Variants in TPX2 observed in about 807,000 individuals in gnomAD.
TPX2 encodes the protein TPX2 microtubule nucleation factor.
Under a neutral mutation model 93.6 loss-of-function variants are expected in TPX2, and 21 were observed. The ratio of observed to expected loss-of-function variants is 0.22; its 90% CI spans 0.16 to 0.32. The LOEUF is 0.32. TPX2 is among the 10% of genes least tolerant of loss of function. The pLI is 1.00. For synonymous variants in TPX2, 281 were observed against 298.3 expected, an observed-to-expected ratio of 0.94 and a Z score of 0.60; for missense variants, 776 against 871.1, an observed-to-expected ratio of 0.89 and a Z score of 1.37.
At chr20:31,800,526 G>A (rs555364766) in intron 17 of TPX2, among the ~76,000 whole-genome samples, 7 of 152,290 alleles carry the variant, frequency 4.6e-5, no homozygotes, top group Admixed American at 4.6e-4. Context: ...TGGTATGGTT[G>A]TTGTGTTTTG....
chr20:31,784,253 G>A (rs989620254), intron 12 of TPX2, among the ~76,000 whole-genome samples: 9 of 152,218 alleles, frequency 5.9e-5, no homozygotes, highest in Non-Finnish European at 1.3e-4. Flanking sequence ...CCTTGACGAT[G>A]TACTGTAGTA....
chr20:31,753,717 G>A (rs966289757), intron 2 of TPX2, among the ~76,000 whole-genome samples: 2 of 152,148 alleles, frequency 1.3e-5, no homozygotes, highest in Admixed American at 1.3e-4. Context: ...CTGTATAAAT[G>A]AAATATTTGT....
intron 12 of TPX2, among the ~76,000 whole-genome samples, chr20:31,788,145 G>T (rs1052852648): frequency 2.0e-5 from 3 of 152,020 alleles, no homozygotes; most frequent in Non-Finnish European, 4.4e-5. Context: ...GGCCAGGCGC[G>T]GTGGCTCACG....
intron 4 of TPX2, among the ~76,000 whole-genome samples, chr20:31,761,965 G>A (rs956373140): frequency 2.0e-5 from 3 of 152,128 alleles, no homozygotes; most frequent in African/African-American, 7.2e-5. Flanking sequence ...GGGATGAAAG[G>A]ATATCTCATT....
chr20:31,769,979 T>A (rs2061954694), intron 5 of TPX2, among the ~76,000 whole-genome samples: 1 of 152,060 alleles, frequency 6.6e-6, no homozygotes, highest in Non-Finnish European at 1.5e-5. Flanking sequence ...TAAAAAATTT[T>A]TTGTAGAGAC....
chr20:31,783,961 T>C, intron 12 of TPX2, 40 bp downstream of exon 12: 1 of 1,601,448 alleles, frequency 6.2e-7, no homozygotes, highest in Non-Finnish European at 8.5e-7. Context: ...AGTGTACTGC[T>C]CATGACCAGA....
chr20:31,792,640 G>A lies in TPX2; in HGVS notation c.1414-95G>A, dbSNP rs1366064754. 4 of 1,220,822 alleles carry A rather than the reference G, an allele frequency of 3.3e-6. No homozygotes were observed. The East Asian group carries it at 9.3e-5, about 29-fold the overall frequency. 75.6% of individuals were successfully genotyped at this position (1,220,822 alleles called of 1,614,324 possible). A position where few individuals can be genotyped will look rare whatever the true frequency, so the allele number is the denominator to read the frequency against. ...CAGCTGGGCAACATAGTGAGACCCT[G>A]TCTCTACCCAAAGGGGAAAAAAGGA... On this transcript the variant is annotated intron_variant, in intron 12 of 17. Transcript: ENST00000300403.
intron 3 of TPX2, among the ~76,000 whole-genome samples, chr20:31,758,637 G>C (rs1454865447): frequency 2.6e-5 from 4 of 152,188 alleles, no homozygotes; most frequent in Non-Finnish European, 5.9e-5. Flanking sequence ...GAACAGAAGT[G>C]AGTCCATTGC....
At chr20:31,799,374 A>G (rs1220461920) in intron 17 of TPX2, among the ~76,000 whole-genome samples, 3 of 152,260 alleles carry the variant, frequency 2.0e-5, no homozygotes, top group Admixed American at 6.5e-5. Flanking sequence ...GATCTATCAT[A>G]TAACAAGGTG....
At chr20:31,800,018 G>A (rs1276664922) in intron 17 of TPX2, among the ~76,000 whole-genome samples, 1 of 152,138 alleles carries the variant, frequency 6.6e-6, no homozygotes, top group Non-Finnish European at 1.5e-5. Context: ...AGGCCAAGGT[G>A]GGAGGATTGC....
At chr20:31,781,479 A>C (rs1044959841) in intron 10 of TPX2, among the ~76,000 whole-genome samples, 4 of 151,382 alleles carry the variant, frequency 2.6e-5, no homozygotes, top group African/African-American at 9.7e-5. Flanking sequence ...GTTAGCCAGG[A>C]TGGTCTCGAT....
intron 7 of TPX2, among the ~76,000 whole-genome samples, chr20:31,774,450 A>G (rs182797761): frequency 2.0e-5 from 3 of 152,080 alleles, no homozygotes; most frequent in Admixed American, 1.3e-4. Flanking sequence ...TTATTTGCCT[A>G]TAAGTGTCCT....
At chr20:31,766,408 T>C in intron 4 of TPX2, 148 bp from the exon 5 acceptor site, 2 of 830,574 alleles carry the variant, frequency 2.4e-6, no homozygotes, top group Non-Finnish European at 3.5e-6. Context: ...AAACTGGTCT[T>C]CTGTATAAGA....
chr20:31,747,038 T>G (rs1429010592), intron 2 of TPX2, among the ~76,000 whole-genome samples: 1 of 152,122 alleles, frequency 6.6e-6, no homozygotes, highest in African/African-American at 2.4e-5. Context: ...TCTCTGTTAA[T>G]GCCCTCTTGC....
chr20:31,791,485 C>T (rs1481320280), intron 12 of TPX2, among the ~76,000 whole-genome samples: 1 of 152,150 alleles, frequency 6.6e-6, no homozygotes, highest in Non-Finnish European at 1.5e-5. Context: ...GGGGTTTCAC[C>T]GTGTTAGCCA....
intron 6 of TPX2, among the ~76,000 whole-genome samples, 190 bp downstream of exon 6, chr20:31,770,661 T>TA (rs1426185950): frequency 6.6e-5 from 10 of 152,238 alleles, no homozygotes; most frequent in African/African-American, 2.4e-4. Flanking sequence ...GGTGAATTGT[T>TA]ACGTGTGTCC....
At chr20:31,798,643 G>C (rs1440137892) in intron 17 of TPX2, 91 bp downstream of exon 17, 5 of 1,398,090 alleles carry the variant, frequency 3.6e-6, no homozygotes, top group Non-Finnish European at 4.7e-6. Flanking sequence ...ATCTAAGGTA[G>C]CCCGCAAGGC....
chr20:31,758,505 G>A (rs1250440818), intron 3 of TPX2, among the ~76,000 whole-genome samples: 2 of 152,134 alleles, frequency 1.3e-5, no homozygotes, highest in Non-Finnish European at 2.9e-5. Flanking sequence ...AAGTAAGAAT[G>A]TGGTTACATT....
intron 7 of TPX2, among the ~76,000 whole-genome samples, chr20:31,773,907 T>C (rs2061979946): frequency 6.6e-6 from 1 of 152,078 alleles, no homozygotes. Context: ...GTTTCTCTCT[T>C]GTTGTTCAGG....
Sources: allele counts gnomAD v4.1 joint callset (sites outside exome capture counted in the v4.1 genomes callset), GRCh38; gene constraint gnomAD v4.1.1; transcripts MANE v1.5; gene names NCBI Gene and HGNC (gene_info 2026-07-23, HGNC 2026-07-21).